Variants in POLA1 observed in about 807,000 individuals in gnomAD.
POLA1 encodes DNA polymerase alpha 1, catalytic subunit.
POLA1 carries 15 observed loss-of-function variants against 124.0 expected under a neutral mutation model. That is an observed-to-expected ratio of 0.12 (90% CI 0.08 to 0.19). The LOEUF (loss-of-function observed/expected upper bound fraction) is 0.19. Ranked by LOEUF, POLA1 falls within the 10% of genes least tolerant of loss-of-function variation. The pLI is 1.00. For synonymous variants in POLA1, 408 were observed against 389.4 expected, an observed-to-expected ratio of 1.05 and a Z score of -0.56; for missense variants, 886 against 1,103.4, an observed-to-expected ratio of 0.80 and a Z score of 2.79.
chrX:24,901,137 A>G (rs778672128), intron 35 of POLA1, among the ~76,000 whole-genome samples: 10 of 111,878 alleles, frequency 8.9e-5, no homozygotes, highest in Non-Finnish European at 1.9e-4. Flanking sequence ...GATAATAAAC[A>G]ATAATTATAT....
intron 26 of POLA1, among the ~76,000 whole-genome samples, chrX:24,755,798 G>T (rs1454717579): frequency 9.0e-6 from 1 of 111,699 alleles, no homozygotes; most frequent in African/African-American, 3.3e-5. Flanking sequence ...TGCAAGGTTT[G>T]GATTTTCTTA....
chrX:24,849,666 C>G (rs2046526778), intron 34 of POLA1, among the ~76,000 whole-genome samples: 1 of 96,904 alleles, frequency 1.0e-5, no homozygotes, highest in South Asian at 5.1e-4. Context: ...GAGTCTTGCT[C>G]TTCGCCCAGG....
At chrX:24,705,373 A>G (rs374377807) in intron 4 of POLA1, among the ~76,000 whole-genome samples, 48 of 111,919 alleles carry the variant, frequency 4.3e-4, no homozygotes, top group African/African-American at 1.5e-3. Flanking sequence ...AAAGCCTAAC[A>G]TCTGTGCTGT....
At chrX:24,969,511 A>T (rs2048273310) in intron 36 of POLA1, among the ~76,000 whole-genome samples, 1 of 110,623 alleles carries the variant, frequency 9.0e-6, no homozygotes, top group Non-Finnish European at 1.9e-5. Flanking sequence ...TACTCTTAAC[A>T]TTAATTTTTT....
intron 35 of POLA1, among the ~76,000 whole-genome samples, chrX:24,907,920 T>C (rs1170510969): frequency 1.8e-5 from 2 of 112,279 alleles, no homozygotes; most frequent in African/African-American, 3.2e-5. Flanking sequence ...TAGAGACAAC[T>C]ACAGCATAAA....
chrX:24,789,342 A>G (rs2045447185), intron 26 of POLA1, among the ~76,000 whole-genome samples: 1 of 112,019 alleles, frequency 8.9e-6, no homozygotes, highest in African/African-American at 3.2e-5. Flanking sequence ...TACAAAAATC[A>G]GTTGTTTCTA....
Position 24,995,900 on chromosome X carries a change from T to G in POLA1, c.4357T>G (p.Ser1453Ala), listed in dbSNP as rs1434457871. 18 of 1,208,637 alleles carry G rather than the reference T, an allele frequency of 1.5e-5. No homozygotes were observed. The highest frequency in any genetic ancestry group is 1.9e-5 in the Non-Finnish European group (17 of 894,464). ...GCAATTCTTGTCCCGAAGTGGCTAC[T>G]CCGAAGTGAATCTGAGCAAACTCTT... Reference protein sequence around the residue: ...AEQFLSRSGYSEVNLSKLFAG... With the variant: ...AEQFLSRSGYAEVNLSKLFAG... Residue 1453 changes from serine (S) to alanine (A), a missense_variant, in exon 37 of 37, where the codon TCC becomes GCC. By Grantham distance (99) the Ser-to-Ala change is moderately conservative. Coordinates refer to ENST00000379068, the MANE Select transcript of POLA1 (RefSeq NM_001330360.2).
chrX:24,794,057 A>G (rs1212556285), intron 26 of POLA1, among the ~76,000 whole-genome samples: 1 of 109,696 alleles, frequency 9.1e-6, no homozygotes, highest in Non-Finnish European at 1.9e-5. Flanking sequence ...GCTCACTGCA[A>G]CCTCCACCTC....
intron 31 of POLA1, among the ~76,000 whole-genome samples, chrX:24,822,587 G>A (rs185805264): frequency 2.1e-4 from 24 of 112,083 alleles, no homozygotes; most frequent in Non-Finnish European, 3.8e-4. Flanking sequence ...ATTTAAGTAC[G>A]TGGACAGGAA....
At chrX:24,737,411 A>C (rs1025727240) in intron 18 of POLA1, among the ~76,000 whole-genome samples, 3 of 111,943 alleles carry the variant, frequency 2.7e-5, no homozygotes, top group Admixed American at 9.5e-5. Flanking sequence ...TTATTCCAGC[A>C]ATCTGCTTAG....
rs1008941729 is a variant in POLA1 at position 24,724,244 on chromosome X, A to G, written c.1201-91A>G. On this transcript the variant is annotated intron_variant, in intron 11 of 36. Coordinates refer to ENST00000379068, the MANE Select transcript of POLA1 (RefSeq NM_001330360.2). ...AATGTTTAAATGGGTGAGGATGAAA[A>G]TTGATATAGACTTGGATTTTTGGTG... 4.0e-5 allele frequency: 19 copies of G among 473,644 alleles called. No individual in the cohort carries two copies. The African/African-American group carries it at 4.8e-4, about 12-fold the overall frequency. 39.0% of individuals were successfully genotyped at this position (473,644 alleles called of 1,213,427 possible).
intron 6 of POLA1, among the ~76,000 whole-genome samples, 163 bp downstream of exon 6, chrX:24,715,366 G>A (rs988548590): frequency 1.8e-5 from 2 of 111,097 alleles, no homozygotes; most frequent in Admixed American, 9.5e-5. Flanking sequence ...ATCTTGGCTC[G>A]TTGCAACCTC....
chrX:24,727,624 C>T, intron 14 of POLA1, among the ~76,000 whole-genome samples, 158 bp from the exon 15 acceptor site: 1 of 112,293 alleles, frequency 8.9e-6, no homozygotes, highest in Non-Finnish European at 1.9e-5. Context: ...TGCATACAAC[C>T]CAATAATGTG....
chrX:24,816,275 G>T (rs953787801), intron 30 of POLA1, among the ~76,000 whole-genome samples: 1 of 112,183 alleles, frequency 8.9e-6, no homozygotes, highest in East Asian at 2.8e-4. Context: ...TGCATGTAGT[G>T]GTGATGATAT....
At chrX:24,807,991 CA>C (rs746908451) in intron 26 of POLA1, among the ~76,000 whole-genome samples, 1 of 112,177 alleles carries the variant, frequency 8.9e-6, no homozygotes, top group Non-Finnish European at 1.9e-5. Flanking sequence ...ACAGGCCATA[CA>C]AGTGGAACAG....
At chrX:24,694,437 G>A (rs756817956) in intron 1 of POLA1, among the ~76,000 whole-genome samples, 1 of 112,648 alleles carries the variant, frequency 8.9e-6, no homozygotes, top group East Asian at 2.8e-4. Flanking sequence ...TTGTAACTAA[G>A]CAGGAAAGAA....
At chrX:24,844,392 A>G (rs1315692361) in intron 34 of POLA1, among the ~76,000 whole-genome samples, 2 of 109,189 alleles carry the variant, frequency 1.8e-5, no homozygotes, top group East Asian at 5.7e-4. Flanking sequence ...GTGTTTCAGT[A>G]TGTCATTTGT....
intron 35 of POLA1, among the ~76,000 whole-genome samples, chrX:24,911,561 A>G (rs1329950525): frequency 9.0e-6 from 1 of 110,656 alleles, no homozygotes; most frequent in African/African-American, 3.3e-5. Context: ...TAGAAAAAGA[A>G]GAGTAAAAGC....
At chrX:24,784,247 T>C (rs1340697088) in intron 26 of POLA1, among the ~76,000 whole-genome samples, 1 of 107,239 alleles carries the variant, frequency 9.3e-6, no homozygotes, top group African/African-American at 3.4e-5. Context: ...GAAACGGGAT[T>C]TCACCATGTT....
Sources: gnomAD v4.1 joint callset for allele counts (sites outside exome capture counted in the v4.1 genomes callset) on GRCh38, gnomAD v4.1.1 for gene constraint, MANE v1.5 for transcripts, NCBI Gene and HGNC (gene_info 2026-07-23, HGNC 2026-07-21) for gene names.